MBOAT1: variants seen among roughly 807,000 people sequenced by gnomAD.
MBOAT1 encodes the protein membrane-bound glycerophospholipid O-acyltransferase 1.
Under a neutral mutation model 64.4 loss-of-function variants are expected in MBOAT1, and 67 were observed. That is an observed-to-expected ratio of 1.04 (90% CI 0.85 to 1.27). The LOEUF (loss-of-function observed/expected upper bound fraction) is 1.27, where lower values mean the gene tolerates loss of function less well. MBOAT1 is among the 50% of genes most tolerant of loss of function. MBOAT1 has a pLI of 0.00. For missense variants in MBOAT1, 563 were observed against 604.6 expected (o/e 0.93, Z 0.72); for synonymous variants, 229 against 218.9 (o/e 1.05, Z -0.41).
At chr6:20,122,088 C>T (rs1462574099) in intron 8 of MBOAT1, among the ~76,000 whole-genome samples, 1 of 152,092 alleles carries the variant, frequency 6.6e-6, no homozygotes, top group African/African-American at 2.4e-5. Context: ...TCACTTGAAC[C>T]AGGGAGGTGG....
chr6:20,168,961 A>G (rs1402154055), intron 1 of MBOAT1, among the ~76,000 whole-genome samples: 1 of 152,098 alleles, frequency 6.6e-6, no homozygotes, highest in Non-Finnish European at 1.5e-5. Flanking sequence ...GAGAGAGAAG[A>G]AAACGATGGA....
intron 4 of MBOAT1, among the ~76,000 whole-genome samples, chr6:20,133,742 A>G (rs1028289152): frequency 3.3e-5 from 5 of 152,140 alleles, no homozygotes; most frequent in African/African-American, 1.2e-4. Flanking sequence ...GTTTTCCTCT[A>G]TCTTGGGTTA....
rs930938533 is a variant in MBOAT1 at position 20,144,412 on chromosome 6, T to C, written c.324-97A>G. ...CCTCTCTTTCATCCTTCACGTGCAG[T>C]TGGTCACAATGTCCTATCTGGTCTG... is the stretch of plus-strand genomic sequence containing the variant. On this transcript the variant is annotated intron_variant, in intron 3 of 12. Coordinates refer to ENST00000324607, the MANE Select transcript of MBOAT1 (RefSeq NM_001080480.3). The C allele has an allele frequency of 5.0e-6, 4 of 797,172 alleles. No individual in the cohort carries two copies. The African/African-American group carries it at 6.8e-5, about 14-fold the overall frequency. 49.4% of individuals were successfully genotyped at this position (797,172 alleles called of 1,614,324 possible). A position where few individuals can be genotyped will look rare whatever the true frequency, so the allele number is the denominator to read the frequency against.
intron 1 of MBOAT1, among the ~76,000 whole-genome samples, chr6:20,191,985 C>T (rs1762814896): frequency 6.6e-6 from 1 of 152,102 alleles, no homozygotes; most frequent in South Asian, 2.1e-4. Context: ...ACATGTCCAA[C>T]CAGTTGGAAA....
chr6:20,152,547 GCTTT>G, intron 2 of MBOAT1, 73 bp downstream of exon 2: 1 of 1,418,860 alleles, frequency 7.0e-7, no homozygotes, highest in Non-Finnish European at 9.5e-7. Context: ...TCTATTTCTG[GCTTT>G]AGTGCAATTC....
rs188047458 is a variant in MBOAT1 at position 20,155,814 on chromosome 6, C to G, written c.100-3045G>C. On this transcript the variant is annotated intron_variant, in intron 1 of 12. Transcript: ENST00000324607. ...CCAATCAGGAACCACCAAATAACCTCTAAGTAAGAGCTATTCACTTTAACT... is the reference window on the plus strand; with the variant it reads ...CCAATCAGGAACCACCAAATAACCTGTAAGTAAGAGCTATTCACTTTAACT... 4.3e-4 allele frequency among the ~76,000 whole-genome samples: 65 copies of G among 152,294 alleles called. No individual in the cohort carries two copies. The East Asian group carries it at 9.7e-3, about 23-fold the overall frequency.
intron 4 of MBOAT1, among the ~76,000 whole-genome samples, chr6:20,134,783 A>C (rs1760927817): frequency 6.6e-6 from 1 of 152,164 alleles, no homozygotes; most frequent in Non-Finnish European, 1.5e-5. Context: ...AAGACTTGAG[A>C]ATCAAATCCT....
At chr6:20,151,524 C>T (rs1761493003) in intron 2 of MBOAT1, among the ~76,000 whole-genome samples, 1 of 152,106 alleles carries the variant, frequency 6.6e-6, no homozygotes, top group Non-Finnish European at 1.5e-5. Context: ...CACTTTTTTC[C>T]CATATGCAAT....
At chr6:20,210,930 C>T (rs1252562474) in intron 1 of MBOAT1, among the ~76,000 whole-genome samples, 1 of 147,290 alleles carries the variant, frequency 6.8e-6, no homozygotes, top group African/African-American at 2.7e-5. Context: ...CTATTATGTC[C>T]GCCTCTGCCT....
chr6:20,151,207 C>T lies in MBOAT1; in HGVS notation c.301G>A (p.Ala101Thr). ...TACCTGTGAATATTGGATACACTAG[C>T]AGTGACCATGATTGCATAGCACATT... is the stretch of plus-strand genomic sequence containing the variant. ...VLMCYAIMVTASVSNIHRYSF... is the reference protein window; with the variant it reads ...VLMCYAIMVTTSVSNIHRYSF... The change falls in exon 3 of 13, where the codon GCT becomes ACT. Residue 101 changes from alanine to threonine, a missense_variant. Physicochemically the swap from Ala to Thr is moderately conservative, Grantham distance 58 (BLOSUM62 0). Coordinates refer to ENST00000324607, the MANE Select transcript of MBOAT1 (RefSeq NM_001080480.3). The T allele has an allele frequency of 6.2e-7, 1 of 1,613,214 alleles. No homozygotes were observed. The highest frequency in any genetic ancestry group is 1.1e-5 in the South Asian group (1 of 91,042).
chr6:20,180,613 C>T (rs1241197563), intron 1 of MBOAT1, among the ~76,000 whole-genome samples: 1 of 152,204 alleles, frequency 6.6e-6, no homozygotes, highest in Admixed American at 6.5e-5. Flanking sequence ...AAGCTCAAGA[C>T]TTGTCTACAC....
chr6:20,204,685 A>G (rs62397951), intron 1 of MBOAT1, among the ~76,000 whole-genome samples: 5,106 of 152,254 alleles, frequency 0.034, 107 homozygotes, highest in Non-Finnish European at 0.054. Flanking sequence ...GTGTGTGTGC[A>G]GAGGCTGGAG....
intron 1 of MBOAT1, among the ~76,000 whole-genome samples, chr6:20,177,550 G>T (rs1762377819): frequency 6.6e-6 from 1 of 152,008 alleles, no homozygotes. Flanking sequence ...GAGGTGGGTG[G>T]ATCACGAGGT....
At chr6:20,154,194 G>A (rs549863537) in intron 1 of MBOAT1, among the ~76,000 whole-genome samples, 18 of 152,322 alleles carry the variant, frequency 1.2e-4, no homozygotes, top group South Asian at 2.1e-4. Flanking sequence ...TTTGTAACTC[G>A]TAGAAAATAT....
chr6:20,161,890 G>GA (rs1252385362), intron 1 of MBOAT1, among the ~76,000 whole-genome samples: 5 of 152,090 alleles, frequency 3.3e-5, no homozygotes, highest in African/African-American at 7.2e-5. Context: ...GTGGGTTGGG[G>GA]GGCAAAACAC....
intron 4 of MBOAT1, among the ~76,000 whole-genome samples, chr6:20,134,878 T>A (rs1760930793): frequency 1.3e-5 from 2 of 151,242 alleles, no homozygotes; most frequent in East Asian, 3.9e-4. Flanking sequence ...ACACATTTAT[T>A]GGTTTATGAT....
chr6:20,160,122 C>T lies in MBOAT1; in HGVS notation c.100-7353G>A, dbSNP rs541717835. 5.1e-4 allele frequency among the ~76,000 whole-genome samples: 77 copies of T among 152,296 alleles called. 1 individual carries two copies. The highest frequency in any genetic ancestry group is 1.8e-3 in the African/African-American group (75 of 41,548). On this transcript the variant is annotated intron_variant, in intron 1 of 12. Transcript: ENST00000324607. ...GCCGCAAAGAAATAAAACACATGCC[C>T]AAGTGTTTGACTTCTTATTTCATCA...
At chr6:20,176,506 A>T (rs1442392258) in intron 1 of MBOAT1, among the ~76,000 whole-genome samples, 3 of 152,184 alleles carry the variant, frequency 2.0e-5, no homozygotes, top group Non-Finnish European at 4.4e-5. Context: ...CTACCTCATC[A>T]AGTAATTGTG....
At chr6:20,109,786 G>A (rs1190739737) in intron 11 of MBOAT1, 37 bp from the exon 12 acceptor site, 3 of 1,592,032 alleles carry the variant, frequency 1.9e-6, no homozygotes, top group Non-Finnish European at 2.6e-6. Flanking sequence ...TGAGGAGGGG[G>A]TGAAAAACAA....
Sources: allele counts gnomAD v4.1 joint callset (sites outside exome capture counted in the v4.1 genomes callset), GRCh38; gene constraint gnomAD v4.1.1; transcripts MANE v1.5; gene names NCBI Gene and HGNC (gene_info 2026-07-23, HGNC 2026-07-21).